The following CDH13 variants were observed in gnomAD, a reference collection of about 807,000 sequenced individuals.
CDH13 encodes cadherin-13.
In CDH13, 24 loss-of-function variants were observed where a neutral mutation model predicts 63.8. That is an observed-to-expected ratio of 0.38 (90% CI 0.27 to 0.53). The LOEUF (loss-of-function observed/expected upper bound fraction) is 0.53, where lower values mean the gene tolerates loss of function less well. Among genes scored for constraint, CDH13 ranks in the 20% least tolerant of loss-of-function variants. CDH13 has a pLI of 0.85. For missense variants in CDH13, 1,049 were observed against 903.1 expected (o/e 1.16, Z -2.07); for synonymous variants, 503 against 355.3 (o/e 1.42, Z -4.67).
intron 7 of CDH13, among the ~76,000 whole-genome samples, chr16:83,500,144 C>T (rs369776158): frequency 6.6e-6 from 1 of 151,080 alleles, no homozygotes; most frequent in Non-Finnish European, 1.5e-5. Flanking sequence ...TATCAGTGGT[C>T]GTAAGGCAAG....
intron 10 of CDH13, among the ~76,000 whole-genome samples, chr16:83,687,466 C>T (rs1255694473): frequency 6.6e-6 from 1 of 152,108 alleles, no homozygotes; most frequent in Non-Finnish European, 1.5e-5. Context: ...CACTTTTAAA[C>T]AACCAGATCA....
At chr16:82,737,463 T>C (rs1346105653) in intron 1 of CDH13, among the ~76,000 whole-genome samples, 2 of 152,260 alleles carry the variant, frequency 1.3e-5, no homozygotes, top group African/African-American at 2.4e-5. Context: ...AATATAATCC[T>C]TGAAACGTGC....
chr16:83,142,327 A>C (rs1419759188), intron 4 of CDH13, among the ~76,000 whole-genome samples: 6 of 151,792 alleles, frequency 4.0e-5, no homozygotes, highest in African/African-American at 9.7e-5. Context: ...CACCTGGCTA[A>C]GTTTTTTATT....
chr16:82,858,992 G>T, intron 2 of CDH13: 1 of 154,470 alleles, frequency 6.5e-6, no homozygotes, highest in Non-Finnish European at 1.4e-5. Flanking sequence ...ATTATTCTAT[G>T]GATTAAGCTC....
chr16:83,532,847 G>C (rs764117660), intron 7 of CDH13, among the ~76,000 whole-genome samples: 6 of 152,198 alleles, frequency 3.9e-5, no homozygotes, highest in Non-Finnish European at 8.8e-5. Flanking sequence ...GCCATGCGTT[G>C]TGCCAACATC....
intron 4 of CDH13, among the ~76,000 whole-genome samples, chr16:83,165,793 C>A (rs1053289808): frequency 6.6e-6 from 1 of 152,086 alleles, no homozygotes; most frequent in Non-Finnish European, 1.5e-5. Flanking sequence ...GAAGGCAGAA[C>A]TAGCAAATGG....
At chr16:83,688,868 A>G (rs1379768812) in intron 10 of CDH13, among the ~76,000 whole-genome samples, 2 of 152,150 alleles carry the variant, frequency 1.3e-5, no homozygotes, top group East Asian at 3.8e-4. Flanking sequence ...ATGCTGGGGG[A>G]AACAAAGCCT....
At chr16:83,073,870 A>C (rs910611698) in intron 3 of CDH13, among the ~76,000 whole-genome samples, 13 of 152,032 alleles carry the variant, frequency 8.6e-5, no homozygotes, top group African/African-American at 3.1e-4. Context: ...TTGACACATA[A>C]TATTTTTACA....
At chr16:83,553,480 A>T (rs1320847180) in intron 7 of CDH13, among the ~76,000 whole-genome samples, 5 of 152,240 alleles carry the variant, frequency 3.3e-5, no homozygotes, top group African/African-American at 4.8e-5. Flanking sequence ...AACATTGTTT[A>T]GTTACATTCT....
chr16:83,497,937 G>T (rs1393804576), intron 7 of CDH13, among the ~76,000 whole-genome samples: 1 of 152,190 alleles, frequency 6.6e-6, no homozygotes, highest in African/African-American at 2.4e-5. Context: ...TGGGTGATGG[G>T]TCTGATTTCA....
At chr16:83,041,063 A>G (rs1917290660) in intron 3 of CDH13, among the ~76,000 whole-genome samples, 2 of 152,214 alleles carry the variant, frequency 1.3e-5, no homozygotes, top group African/African-American at 2.4e-5. Flanking sequence ...CTACAGGTCC[A>G]CTTAACAAAC....
intron 6 of CDH13, among the ~76,000 whole-genome samples, chr16:83,450,940 G>A (rs1022230308): frequency 7.2e-5 from 11 of 152,032 alleles, no homozygotes; most frequent in African/African-American, 1.9e-4. Flanking sequence ...TGTGTGCGTC[G>A]GCATCCCCTG....
At chr16:82,975,695 C>T (rs1909404109) in intron 2 of CDH13, among the ~76,000 whole-genome samples, 1 of 152,196 alleles carries the variant, frequency 6.6e-6, no homozygotes, top group South Asian at 2.1e-4. Flanking sequence ...TTGTAATCTG[C>T]AGGATCCATT....
chr16:82,833,213 G>A (rs1368065996), intron 1 of CDH13, among the ~76,000 whole-genome samples: 5 of 152,184 alleles, frequency 3.3e-5, no homozygotes, highest in Admixed American at 1.3e-4. Context: ...GATTTCAAAT[G>A]TGTTCATACC....
intron 6 of CDH13, among the ~76,000 whole-genome samples, chr16:83,395,255 A>C (rs767477056): frequency 2.0e-5 from 3 of 151,638 alleles, no homozygotes; most frequent in Non-Finnish European, 4.4e-5. Flanking sequence ...CGGAGGTTGC[A>C]GTGAGCCAAG....
intron 6 of CDH13, among the ~76,000 whole-genome samples, chr16:83,367,439 A>C (rs1187037018): frequency 1.3e-5 from 2 of 152,218 alleles, no homozygotes; most frequent in Non-Finnish European, 2.9e-5. Flanking sequence ...TACTATGAAT[A>C]ATGCTGCTCT....
intron 6 of CDH13, among the ~76,000 whole-genome samples, chr16:83,474,882 C>G (rs1479012567): frequency 6.6e-6 from 1 of 152,188 alleles, no homozygotes; most frequent in Non-Finnish European, 1.5e-5. Context: ...GAAACAACCG[C>G]TGGAGGAGCC....
intron 7 of CDH13, among the ~76,000 whole-genome samples, chr16:83,554,970 T>C (rs2075575028): frequency 6.6e-6 from 1 of 151,386 alleles, no homozygotes; most frequent in Admixed American, 6.6e-5. Context: ...TTATTTAGGT[T>C]GATGCTTCCT....
At chr16:83,532,324 A>G (rs912613713) in intron 7 of CDH13, among the ~76,000 whole-genome samples, 4 of 152,160 alleles carry the variant, frequency 2.6e-5, no homozygotes, top group African/African-American at 9.7e-5. Context: ...CCTCACCCCA[A>G]GATTAGAAGA....
Sources: gnomAD v4.1 joint callset for allele counts (sites outside exome capture counted in the v4.1 genomes callset) on GRCh38, gnomAD v4.1.1 for gene constraint, MANE v1.5 for transcripts, NCBI Gene and HGNC (gene_info 2026-07-23, HGNC 2026-07-21) for gene names.